ITSN2: variants seen among roughly 807,000 people sequenced by gnomAD.
ITSN2 encodes intersectin-2.
In ITSN2, 156 loss-of-function variants were observed where a neutral mutation model predicts 243.7. The ratio of observed to expected loss-of-function variants is 0.64; its 90% confidence interval spans 0.56 to 0.73. ITSN2 has a LOEUF of 0.73. Among genes scored for constraint, ITSN2 ranks in the 30% least tolerant of loss-of-function variants. The pLI is 0.00. For missense variants in ITSN2, 1,801 were observed against 1,996.1 expected, an observed-to-expected ratio of 0.90 and a Z score of 1.86; for synonymous variants, 703 against 699.9, an observed-to-expected ratio of 1.00 and a Z score of -0.07.
At chr2:24,335,407 ACTGCAACCT>A (rs1415511583) in intron 1 of ITSN2, among the ~76,000 whole-genome samples, 1 of 152,180 alleles carries the variant, frequency 6.6e-6, no homozygotes, top group Non-Finnish European at 1.5e-5. Flanking sequence ...ATCTCAGCTC[ACTGCAACCT>A]CTGCCACCTG....
Position 24,204,311 on chromosome 2 carries a change from T to TAAAG in ITSN2, c.4866_4869dup (p.Ile1624LeufsTer3). The TAAAG allele has an allele frequency of 6.2e-7, 1 of 1,614,176 alleles. No homozygotes were observed. Among genetic ancestry groups the TAAAG allele is most frequent in the Non-Finnish European group, 8.5e-7 (1 of 1,180,012 alleles). On this transcript the variant is annotated frameshift_variant, in exon 39 of 40. Transcript: ENST00000355123. LOFTEE classifies it high-confidence loss of function. The surrounding 1 kb of genome is among the most constrained non-coding windows in gnomAD (Gnocchi z 5.1). ...AGCACGTCTTGGTAGAGATCCTTAA[T>TAAAG]AAAGAACTGGCAGTTAAAATTCCAC...
At chr2:24,360,027 G>A (rs1045258557) in intron 1 of ITSN2, among the ~76,000 whole-genome samples, 24 of 151,944 alleles carry the variant, frequency 1.6e-4, no homozygotes, top group Non-Finnish European at 2.9e-4. Flanking sequence ...CCAGGGACCC[G>A]GGCTCGGCCG....
chr2:24,293,604 T>C (rs1405201731), intron 15 of ITSN2, 84 bp downstream of exon 15: 20 of 562,672 alleles, frequency 3.6e-5, no homozygotes, highest in Non-Finnish European at 3.2e-6. Context: ...AGAATACTTT[T>C]TTTAATTTTA....
chr2:24,236,585 A>G (rs950568881), intron 29 of ITSN2, among the ~76,000 whole-genome samples: 1 of 151,690 alleles, frequency 6.6e-6, no homozygotes, highest in African/African-American at 2.4e-5. Context: ...TATTATGTTC[A>G]GTCTTTGACT....
intron 17 of ITSN2, among the ~76,000 whole-genome samples, chr2:24,278,207 A>G (rs1678267370): frequency 6.6e-6 from 1 of 152,152 alleles, no homozygotes; most frequent in Admixed American, 6.5e-5. Flanking sequence ...AGCTCTAAGT[A>G]TTCCTTTACT....
At position 24,349,397 on chromosome 2, in the gene ITSN2, CTTTT is replaced by C. The variant is rs577496633; in HGVS notation, c.-34+10903_-34+10906del. On this transcript the variant is annotated intron_variant, in intron 1 of 39. Transcript: ENST00000355123. The stretch of plus-strand genomic sequence containing the variant: ...ATTATTTAATTTGAGTGGTCATAGA[CTTTT>C]TTATTTTAATCTGATAAAACCTATG... Among the ~76,000 whole-genome samples the C allele has an allele frequency of 1.6e-4, 25 of 152,208 alleles. No homozygotes were observed. The South Asian group carries it at 5.2e-3, about 32-fold the overall frequency.
chr2:24,308,828 G>T, intron 7 of ITSN2, 72 bp from the exon 8 acceptor site: 1 of 930,576 alleles, frequency 1.1e-6, no homozygotes, highest in Non-Finnish European at 1.5e-6. Context: ...ATAAGACCAA[G>T]GCATTAAGAA....
At chr2:24,318,550 T>C (rs369929999) in intron 2 of ITSN2, among the ~76,000 whole-genome samples, 10 of 152,358 alleles carry the variant, frequency 6.6e-5, no homozygotes, top group Middle Eastern at 6.8e-3. Context: ...TAAAGTAAGA[T>C]AGTGTGGTCA....
At chr2:24,213,813 A>G (rs533195792) in intron 32 of ITSN2, among the ~76,000 whole-genome samples, 6 of 152,300 alleles carry the variant, frequency 3.9e-5, no homozygotes, top group African/African-American at 1.4e-4. Context: ...TGTTTCTTCC[A>G]GTTCATTTCG....
chr2:24,236,270 C>T (rs1672136790), intron 29 of ITSN2, among the ~76,000 whole-genome samples: 1 of 152,090 alleles, frequency 6.6e-6, no homozygotes, highest in African/African-American at 2.4e-5. Flanking sequence ...TTTATGATTC[C>T]ATACATATGA....
intron 18 of ITSN2, 116 bp from the exon 19 acceptor site, chr2:24,272,057 C>T: frequency 1.2e-6 from 1 of 802,062 alleles, no homozygotes; most frequent in Non-Finnish European, 1.9e-6. Flanking sequence ...AGTATTAGTA[C>T]AGGGGTGGGG....
In ITSN2 at chr2:24,331,634, G is replaced by A. The variant is rs187735047; in HGVS notation, c.-33-3519C>T. Among the ~76,000 whole-genome samples, 241 of 152,120 alleles carry A rather than the reference G, an allele frequency of 1.6e-3. 1 individual carries two copies. The highest frequency in any genetic ancestry group is 5.2e-3 in the African/African-American group (215 of 41,498). On this transcript the variant is annotated intron_variant, in intron 1 of 39. Transcript: ENST00000355123. The stretch of plus-strand genomic sequence containing the variant: ...TTTTTATGTCCTCTTCTCCCTTTCC[G>A]TCCTTCAGCAGAGACTTAACTCCCT...
intron 2 of ITSN2, among the ~76,000 whole-genome samples, chr2:24,327,566 G>A (rs984985302): frequency 2.6e-5 from 4 of 151,980 alleles, no homozygotes; most frequent in African/African-American, 9.7e-5. Flanking sequence ...ACAAAGTGCT[G>A]TAATTACAGG....
chr2:24,228,928 A>G (rs1230091477), intron 29 of ITSN2, among the ~76,000 whole-genome samples: 1 of 152,220 alleles, frequency 6.6e-6, no homozygotes, highest in African/African-American at 2.4e-5. Context: ...CTATCCAAAT[A>G]AAAATTCTAA....
intron 4 of ITSN2, 147 bp from the exon 5 acceptor site, chr2:24,312,522 TATA>T (rs1275865636): frequency 3.3e-5 from 16 of 479,566 alleles, no homozygotes; most frequent in Non-Finnish European, 5.8e-5. Context: ...ATGTAAAATA[TATA>T]ATAACAAAAA....
At chr2:24,344,524 ATATC>A (rs1687341080) in intron 1 of ITSN2, among the ~76,000 whole-genome samples, 1 of 152,142 alleles carries the variant, frequency 6.6e-6, no homozygotes, top group African/African-American at 2.4e-5. Context: ...CATTTTTCAT[ATATC>A]TATCATGTAT....
At chr2:24,236,844 C>T (rs1672215009) in intron 29 of ITSN2, among the ~76,000 whole-genome samples, 1 of 151,018 alleles carries the variant, frequency 6.6e-6, no homozygotes, top group African/African-American at 2.4e-5. Context: ...AGCTATCTAT[C>T]TATCTATCTA....
Position 24,204,363 on chromosome 2 carries a change from C to G in ITSN2, c.4818G>C (p.Arg1606Ser). The change falls in exon 39 of 40, where the codon AGG (arginine) becomes AGC (serine). Residue 1606 changes from arginine to serine, a missense_variant. Transcript: ENST00000355123. The surrounding 1 kb of genome is among the most constrained non-coding windows in gnomAD (Gnocchi z 5.1). ...ISMGSQSYTTRTIQDTLNPKW... is the reference protein window; with the variant it reads ...ISMGSQSYTTSTIQDTLNPKW... ...TGGGATTGAGTGTGTCCTGGATGGT[C>G]CTGGTGGTGTAGCTCTGGGAGCCCA... 1 of 1,614,124 alleles carries G rather than the reference C, an allele frequency of 6.2e-7. No homozygotes were observed. Among genetic ancestry groups the G allele is most frequent in the Non-Finnish European group, 8.5e-7 (1 of 1,180,000 alleles).
intron 18 of ITSN2, 48 bp downstream of exon 18, chr2:24,275,665 T>C (rs1175119146): frequency 1.4e-6 from 2 of 1,474,598 alleles, no homozygotes; most frequent in South Asian, 1.3e-5. Context: ...GCAACAAAAT[T>C]ACAATTCTAA....
Sources: gnomAD v4.1 joint callset for allele counts (sites outside exome capture counted in the v4.1 genomes callset) on GRCh38, gnomAD v4.1.1 for gene constraint, Gnocchi (gnomAD v3.1) non-coding constraint, MANE v1.5 for transcripts, NCBI Gene and HGNC (gene_info 2026-07-23, HGNC 2026-07-21) for gene names.